VPS13C: variants seen among roughly 807,000 people sequenced by gnomAD.
VPS13C encodes intermembrane lipid transfer protein VPS13C.
Under a neutral mutation model 456.8 loss-of-function variants are expected in VPS13C, and 358 were observed. That is an observed-to-expected ratio of 0.78 (90% CI 0.72 to 0.86). The LOEUF is 0.86. VPS13C is among the 40% of genes least tolerant of loss of function. The probability of loss-of-function intolerance (pLI) is 0.00; values close to 1 mark genes in which losing one functional copy is unlikely to be tolerated. For missense variants in VPS13C, 4,818 were observed against 4,385.4 expected (o/e 1.10, Z -2.79); for synonymous variants, 1,578 against 1,486.7 (o/e 1.06, Z -1.41).
intron 44 of VPS13C, 40 bp downstream of exon 44, chr15:61,946,267 G>A: frequency 3.4e-6 from 5 of 1,460,944 alleles, no homozygotes; most frequent in South Asian, 1.3e-5. Context: ...AATCCAAAAG[G>A]CAAAATAAAT....
chr15:61,922,285 C>G, intron 54 of VPS13C, 112 bp downstream of exon 54: 1 of 1,309,980 alleles, frequency 7.6e-7, no homozygotes, highest in Non-Finnish European at 1.0e-6. Context: ...AACACACTAT[C>G]TATTCACATA....
At chr15:61,920,700 A>C in intron 55 of VPS13C, 53 bp from the exon 56 acceptor site, 2 of 1,494,914 alleles carry the variant, frequency 1.3e-6, no homozygotes, top group South Asian at 2.7e-5. Context: ...TTGATAATAA[A>C]ATAAAAATGC....
intron 10 of VPS13C, 127 bp from the exon 11 acceptor site, chr15:62,013,246 G>C: frequency 1.9e-6 from 1 of 539,834 alleles, no homozygotes; most frequent in South Asian, 3.9e-5. Context: ...TTAAAGGAAA[G>C]AAAATAACAT....
rs1164074299 is a variant in VPS13C at position 61,915,910 on chromosome 15, C to T, written c.8168G>A (p.Trp2723Ter). ...ATCACGTATGCGGAAATGTCCATTC[C>T]AGTTTTTGCCCTGGTATTTCACCAG... ...LVLVKYQGKN[W>*]NGHFRIRDTL... Residue 2723 changes from tryptophan (W) to a stop codon, truncating the protein, a stop_gained, in exon 61 of 85, where the codon TGG becomes TAG. Transcript: ENST00000644861. LOFTEE classifies it high-confidence loss of function. 6.2e-7 allele frequency: 1 copy of T among 1,613,808 alleles called. No homozygotes were observed. The highest frequency in any genetic ancestry group is 1.3e-5 in the African/African-American group (1 of 74,808).
intron 17 of VPS13C, among the ~76,000 whole-genome samples, chr15:61,991,340 C>T (rs1176819320): frequency 6.6e-6 from 1 of 152,006 alleles, no homozygotes; most frequent in Non-Finnish European, 1.5e-5. Context: ...TTTAGAATTC[C>T]CTAAGTATTT....
At chr15:62,008,847 G>A (rs1246980832) in intron 13 of VPS13C, 86 bp from the exon 14 acceptor site, 1 of 706,660 alleles carries the variant, frequency 1.4e-6, no homozygotes, top group Non-Finnish European at 2.1e-6. Context: ...AGGCTAGTGA[G>A]ACTCCAAATA....
At position 61,978,713 on chromosome 15, in the gene VPS13C, T is replaced by A. The variant is rs1317664187; in HGVS notation, c.2203A>T (p.Asn735Tyr). ...TCCATTATTTCTTCCAGAGATGAATTAGTAGTCTTCTGTAAACCTTGATCT... is the reference window on the plus strand; with the variant it reads ...TCCATTATTTCTTCCAGAGATGAATAAGTAGTCTTCTGTAAACCTTGATCT... ...SKDQGLQKTT[N>Y]SSLEEIMDKA... The change falls in exon 23 of 85, where the codon AAT (asparagine) becomes TAT (tyrosine). Residue 735 changes from asparagine (N) to tyrosine (Y), a missense_variant. Physicochemically the swap from Asn to Tyr is moderately radical, Grantham distance 143. Around this residue, in one of 3 missense-constraint regions of VPS13C, gnomAD observed 4,552 missense variants for 4,130.6 expected, o/e 1.10. Transcript: ENST00000644861. 1 of 1,610,896 alleles carries A rather than the reference T, an allele frequency of 6.2e-7. No homozygotes were observed. The highest frequency in any genetic ancestry group is 1.7e-5 in the Admixed American group (1 of 59,552).
chr15:62,047,771 A>T (rs2048466546), intron 1 of VPS13C, among the ~76,000 whole-genome samples: 1 of 152,202 alleles, frequency 6.6e-6, no homozygotes. Context: ...CTGACTGATA[A>T]ATATGCAGCA....
Position 61,947,179 on chromosome 15 carries a change from A to C in VPS13C, c.4876+14T>G, listed in dbSNP as rs184060021. 7.5e-5 allele frequency: 111 copies of C among 1,482,522 alleles called. No homozygotes were observed. The East Asian group carries it at 2.1e-3, about 29-fold the overall frequency. The allele number at this position is 1,482,522 out of a possible 1,614,324, so 91.8% of individuals were successfully genotyped here. ...AAGAAACAGAAATACCTACAACAAGAAGTAACTACTTACCATGTATTTTAA... is the reference window on the plus strand; with the variant it reads ...AAGAAACAGAAATACCTACAACAAGCAGTAACTACTTACCATGTATTTTAA... On this transcript the variant is annotated intron_variant, in intron 43 of 84. Transcript: ENST00000644861.
At position 61,967,408 on chromosome 15, in the gene VPS13C, T is replaced by A. The variant is rs2045410750; in HGVS notation, c.2951A>T (p.Asp984Val). 11 of 1,606,294 alleles carry A rather than the reference T, an allele frequency of 6.8e-6. No homozygotes were observed. The highest frequency in any genetic ancestry group is 9.3e-6 in the Non-Finnish European group (11 of 1,176,616). Residue 984 changes from aspartate to valine, a missense_variant, in exon 29 of 85, where the codon GAC becomes GTC. Coordinates refer to ENST00000644861, the MANE Select transcript of VPS13C (RefSeq NM_020821.3). Reference protein sequence around the residue: ...RKPLHLISSSDKPGLDLLKVE... With the variant: ...RKPLHLISSSVKPGLDLLKVE... ...TTTCAAAAGATCTAATCCAGGTTTG[T>A]CAGAAGAGCTAATCAAGTGAAGGGG...
chr15:62,018,010 T>G (rs1201169618), intron 9 of VPS13C, among the ~76,000 whole-genome samples: 2 of 152,240 alleles, frequency 1.3e-5, no homozygotes. Flanking sequence ...ACGTCCCTTG[T>G]AAGTTGGATT....
Position 61,915,893 on chromosome 15 carries a change from T to A in VPS13C, c.8185A>T (p.Ile2729Leu), listed in dbSNP as rs770314046. ...AAGAATTCTGGTAGTGTATCACGTATGCGGAAATGTCCATTCCAGTTTTTG... is the reference window on the plus strand; with the variant it reads ...AAGAATTCTGGTAGTGTATCACGTAAGCGGAAATGTCCATTCCAGTTTTTG... ...QGKNWNGHFR[I>L]RDTLPEFFPV... Residue 2729 changes from isoleucine to leucine, a missense_variant, in exon 61 of 85, where the codon ATA becomes TTA. Physicochemically the swap from Ile to Leu is conservative, Grantham distance 5. Transcript: ENST00000644861. The A allele has an allele frequency of 6.2e-7, 1 of 1,614,038 alleles. No individual in the cohort carries two copies. The highest frequency in any genetic ancestry group is 8.5e-7 in the Non-Finnish European group (1 of 1,180,018).
In VPS13C at chr15:61,951,997, G is replaced by A; in HGVS notation, c.4300-17C>T. 1 of 1,607,450 alleles carries A rather than the reference G, an allele frequency of 6.2e-7. No individual in the cohort carries two copies. The highest frequency in any genetic ancestry group is 8.5e-7 in the Non-Finnish European group (1 of 1,177,344). On this transcript the variant is annotated splice_polypyrimidine_tract_variant and intron_variant, in intron 38 of 84. Coordinates refer to ENST00000644861, the MANE Select transcript of VPS13C (RefSeq NM_020821.3). ...AACCACAACCTAAAAAACGGTACCA[G>A]TATTACCACCAACTATTTCACCAAT...
In VPS13C at chr15:61,866,089, C is replaced by G. The variant is rs1158698263; in HGVS notation, c.10864-2561G>C. The G allele has an allele frequency of 4.1e-6, 4 of 984,704 alleles. No homozygotes were observed. In the East Asian group the frequency reaches 3.4e-4, roughly 84 times the overall value. The allele number at this position is 984,704 out of a possible 1,614,324, so 61.0% of individuals were successfully genotyped here. ...GCTTCTTTTGTATATCCAGTACAGT[C>G]TAAATAATCAATAAATATTTTTACC... On this transcript the variant is annotated intron_variant, in intron 81 of 84. Coordinates refer to ENST00000644861, the MANE Select transcript of VPS13C (RefSeq NM_020821.3).
intron 1 of VPS13C, among the ~76,000 whole-genome samples, chr15:62,052,154 T>C (rs1182768535): frequency 6.6e-6 from 1 of 152,186 alleles, no homozygotes; most frequent in Admixed American, 6.5e-5. Context: ...TGCCATGCCA[T>C]AATCCATGAA....
At position 61,981,365 on chromosome 15, in the gene VPS13C, T is replaced by C; in HGVS notation, c.2143A>G (p.Ile715Val). Residue 715 changes from isoleucine to valine, a missense_variant, in exon 22 of 85, where the codon ATT becomes GTT. Ile to Val is a conservative substitution (Grantham distance 29). Coordinates refer to ENST00000644861, the MANE Select transcript of VPS13C (RefSeq NM_020821.3). Reference sequence around the variant, plus strand: ...ACCTGAAATGTACCAAAATCTAAAATCAGAAGATCTGACTTTTCATGGTGG... The same window carrying C: ...ACCTGAAATGTACCAAAATCTAAAACCAGAAGATCTGACTTTTCATGGTGG... ...GFHHEKSDLL[I>V]LDFGTFQLNS... 6.2e-7 allele frequency: 1 copy of C among 1,609,720 alleles called. No homozygotes were observed. Among genetic ancestry groups the C allele is most frequent in the Non-Finnish European group, 8.5e-7 (1 of 1,178,674 alleles).
chr15:62,011,969 A>C (rs963107316), intron 12 of VPS13C, 138 bp downstream of exon 12: 5 of 550,584 alleles, frequency 9.1e-6, no homozygotes, highest in Non-Finnish European at 1.6e-5. Context: ...TTATAACCCA[A>C]ACATGTTGTA....
intron 1 of VPS13C, among the ~76,000 whole-genome samples, chr15:62,053,263 A>C (rs80192260): frequency 0.015 from 2,306 of 152,312 alleles, 59 homozygotes; most frequent in African/African-American, 0.053. Context: ...AGGTTTAGAA[A>C]TACCTAGATA....
At position 62,023,849 on chromosome 15, in the gene VPS13C, C is replaced by A; in HGVS notation, c.449-4G>T. ...TTGTGCTTTTTACGTTTACGTCCTT[C>A]ACAGTGGAAGCATTTTAGTGAGAAA... On this transcript the variant is annotated splice_region_variant and splice_polypyrimidine_tract_variant and intron_variant, in intron 6 of 84. Coordinates refer to ENST00000644861, the MANE Select transcript of VPS13C (RefSeq NM_020821.3). 6.2e-7 allele frequency: 1 copy of A among 1,608,806 alleles called. No individual in the cohort carries two copies. The highest frequency in any genetic ancestry group is 8.5e-7 in the Non-Finnish European group (1 of 1,177,072).
Sources: allele counts gnomAD v4.1 joint callset (sites outside exome capture counted in the v4.1 genomes callset), GRCh38; gene constraint gnomAD v4.1.1; regional missense constraint gnomAD v4.1.1; transcripts MANE v1.5; gene names NCBI Gene and HGNC (gene_info 2026-07-23, HGNC 2026-07-21).